CAGE1: variants seen among roughly 807,000 people sequenced by gnomAD.
The protein encoded by CAGE1 is cancer antigen 1, also known as cancer-associated gene 1 protein.
Under a neutral mutation model 94.9 loss-of-function variants are expected in CAGE1, and 66 were observed. That is an observed-to-expected ratio of 0.70 (90% CI 0.57 to 0.85). CAGE1 has a LOEUF of 0.85. CAGE1 is among the 40% of genes least tolerant of loss of function. The pLI is 0.00. For missense variants in CAGE1, 865 were observed against 950.4 expected (o/e 0.91, Z 1.18); for synonymous variants, 319 against 321.0 (o/e 0.99, Z 0.07).
chr6:7,387,211 T>G lies in CAGE1; in HGVS notation c.-23-15A>C, dbSNP rs770630088. On this transcript the variant is annotated splice_polypyrimidine_tract_variant and intron_variant, in intron 1 of 13. Transcript: ENST00000502583. ...ATAGAAGACTTCTTTAAAAAAAAAA[T>G]GTGTCTATTAGTAGGTATAAACAAA... 6.8e-7 allele frequency: 1 copy of G among 1,467,732 alleles called. No homozygotes were observed. The highest frequency in any genetic ancestry group is 1.4e-5 in the African/African-American group (1 of 70,116). The allele number at this position is 1,467,732 out of a possible 1,614,324, so 90.9% of individuals were successfully genotyped here.
chr6:7,359,206 C>G (rs145512889), intron 9 of CAGE1, among the ~76,000 whole-genome samples: 10 of 152,100 alleles, frequency 6.6e-5, no homozygotes, highest in Non-Finnish European at 1.3e-4. Context: ...GCCACCATGC[C>G]CGGCTAATTT....
intron 11 of CAGE1, among the ~76,000 whole-genome samples, chr6:7,352,313 A>AAAC (rs997596686): frequency 9.1e-5 from 12 of 132,360 alleles, no homozygotes; most frequent in Non-Finnish European, 1.9e-4. Flanking sequence ...AAACAAAAAA[A>AAAC]AACAAAAAAA....
intron 11 of CAGE1, 88 bp from the exon 12 acceptor site, chr6:7,334,178 T>TA: frequency 1.4e-6 from 1 of 711,478 alleles, no homozygotes; most frequent in Non-Finnish European, 2.3e-6. Flanking sequence ...TTTTAGTAGG[T>TA]AAAAATAGGT....
intron 11 of CAGE1, among the ~76,000 whole-genome samples, chr6:7,352,304 AAC>A (rs1242411832): frequency 0.023 from 2,658 of 115,006 alleles, 111 homozygotes; most frequent in African/African-American, 0.083. Flanking sequence ...AAAAAAAAAA[AAC>A]AAAAAAAAAC....
chr6:7,382,455 C>T (rs868349781), intron 3 of CAGE1, among the ~76,000 whole-genome samples: 1 of 151,910 alleles, frequency 6.6e-6, no homozygotes, highest in Non-Finnish European at 1.5e-5. Context: ...GCACGCGCCA[C>T]TATGCCCAGC....
At chr6:7,367,934 C>T (rs1356022597) in intron 7 of CAGE1, among the ~76,000 whole-genome samples, 1 of 152,082 alleles carries the variant, frequency 6.6e-6, no homozygotes, top group African/African-American at 2.4e-5. Context: ...TACTACCACA[C>T]CTAGAAAAGA....
intron 10 of CAGE1, among the ~76,000 whole-genome samples, chr6:7,355,397 G>T (rs988776286): frequency 1.3e-5 from 2 of 152,142 alleles, no homozygotes; most frequent in Non-Finnish European, 1.5e-5. Context: ...CTAGGGATTA[G>T]AGTTCATTTG....
At chr6:7,375,226 T>C (rs1279571543) in intron 4 of CAGE1, among the ~76,000 whole-genome samples, 1 of 151,328 alleles carries the variant, frequency 6.6e-6, no homozygotes, top group Non-Finnish European at 1.5e-5. Context: ...CTGGCCAACA[T>C]GGTGAAACCC....
At chr6:7,344,783 A>C (rs1384303569) in intron 11 of CAGE1, among the ~76,000 whole-genome samples, 1 of 152,248 alleles carries the variant, frequency 6.6e-6, no homozygotes, top group East Asian at 1.9e-4. Flanking sequence ...CACACCAATC[A>C]GCACCCTGTG....
intron 12 of CAGE1, among the ~76,000 whole-genome samples, chr6:7,330,128 C>T (rs564768293): frequency 6.6e-6 from 1 of 152,322 alleles, no homozygotes; most frequent in East Asian, 1.9e-4. Flanking sequence ...TGGCTCACAC[C>T]TGTAATCCCA....
In CAGE1 at chr6:7,387,164, C is replaced by A; in HGVS notation, c.10G>T (p.Asp4Tyr). 6.5e-7 allele frequency: 1 copy of A among 1,550,282 alleles called. No homozygotes were observed. The highest frequency in any genetic ancestry group is 8.7e-7 in the Non-Finnish European group (1 of 1,146,102). Residue 4 changes from aspartate to tyrosine, a missense_variant, in exon 2 of 14, where the codon GAC becomes TAC. Transcript: ENST00000502583. ...GGTGATGACCAAAATTTTTGATAGT[C>A]CTTGTTCATAACTGTTGAACAATAG... The part of the protein sequence containing the change: MNK[D>Y]YQKFWSSPSD...
At chr6:7,334,513 G>C (rs2113349181) in intron 11 of CAGE1, among the ~76,000 whole-genome samples, 1 of 152,160 alleles carries the variant, frequency 6.6e-6, no homozygotes, top group Non-Finnish European at 1.5e-5. Context: ...CGAGTCTCTT[G>C]AGCCCAGGAG....
Position 7,386,988 on chromosome 6 carries a change from G to T in CAGE1, c.186C>A (p.Asp62Glu). The stretch of plus-strand genomic sequence containing the variant: ...TATAAGCAATGCACACCTGAGGCAA[G>T]TCACAAGTGGTGCCGGTGGTTTCCA... ...ICMETTGTTC[D>E]LPQNEIKNFE... The change falls in exon 2 of 14, where the codon GAC (aspartate) becomes GAA (glutamate). Residue 62 changes from aspartate to glutamate, a missense_variant. Transcript: ENST00000502583. 6.4e-7 allele frequency: 1 copy of T among 1,550,566 alleles called. No individual in the cohort carries two copies. Among genetic ancestry groups the T allele is most frequent in the Non-Finnish European group, 8.7e-7 (1 of 1,145,732 alleles).
chr6:7,349,392 C>A (rs926791753), intron 11 of CAGE1, among the ~76,000 whole-genome samples: 3 of 152,128 alleles, frequency 2.0e-5, no homozygotes, highest in Admixed American at 6.5e-5. Context: ...GCCACCACTA[C>A]AAGAACTGCT....
intron 11 of CAGE1, among the ~76,000 whole-genome samples, chr6:7,338,474 G>C (rs1214880309): frequency 6.6e-6 from 1 of 152,064 alleles, no homozygotes; most frequent in Non-Finnish European, 1.5e-5. Flanking sequence ...TTTGTCAAAC[G>C]GTTTTTCTGT....
chr6:7,330,895 G>C (rs926279612), intron 12 of CAGE1, among the ~76,000 whole-genome samples: 2 of 152,112 alleles, frequency 1.3e-5, no homozygotes, highest in East Asian at 3.8e-4. Flanking sequence ...GTCTGAACTG[G>C]TGAAACACAT....
intron 10 of CAGE1, 76 bp downstream of exon 10, chr6:7,355,949 A>G (rs1759938866): frequency 1.3e-6 from 1 of 777,426 alleles, no homozygotes; most frequent in African/African-American, 1.7e-5. Context: ...GGCTGTAGTT[A>G]GCACTGCACT....
intron 11 of CAGE1, among the ~76,000 whole-genome samples, chr6:7,347,936 G>C (rs555368492): frequency 6.6e-6 from 1 of 152,152 alleles, no homozygotes; most frequent in African/African-American, 2.4e-5. Flanking sequence ...GAGAGTCTGA[G>C]CTCAGACACA....
chr6:7,348,751 T>C (rs1368890154), intron 11 of CAGE1, among the ~76,000 whole-genome samples: 2 of 152,078 alleles, frequency 1.3e-5, no homozygotes, highest in African/African-American at 2.4e-5. Flanking sequence ...GACACACTTA[T>C]AGAAATGCAA....
Sources: allele counts gnomAD v4.1 joint callset (sites outside exome capture counted in the v4.1 genomes callset), GRCh38; gene constraint gnomAD v4.1.1; transcripts MANE v1.5; gene names NCBI Gene and HGNC (gene_info 2026-07-23, HGNC 2026-07-21).